The following CSMD1 variants were observed in gnomAD, a reference collection of about 807,000 sequenced individuals.
The protein encoded by CSMD1 is CUB and sushi domain-containing protein 1.
A neutral mutation model predicts 417.5 loss-of-function variants in CSMD1; 213 were observed. That is an observed-to-expected ratio of 0.51 (90% CI 0.46 to 0.57). CSMD1 has a LOEUF of 0.57. Among genes scored for constraint, CSMD1 ranks in the 20% least tolerant of loss-of-function variants. The pLI is 0.00. For synonymous variants in CSMD1, 2,862 were observed against 1,736.8 expected, an observed-to-expected ratio of 1.65 and a Z score of -16.11; for missense variants, 6,923 against 4,529.7, an observed-to-expected ratio of 1.53 and a Z score of -15.17.
At chr8:3,854,753 G>GA (rs11392855) in intron 5 of CSMD1, among the ~76,000 whole-genome samples, 56,858 of 146,090 alleles carry the variant, frequency 0.39, 11,582 homozygotes, top group African/African-American at 0.54. Context: ...GGGTAAAAAA[G>GA]AAAAAAAAAA....
intron 3 of CSMD1, among the ~76,000 whole-genome samples, chr8:4,292,700 A>AT (rs1337647187): frequency 2.0e-5 from 3 of 152,110 alleles, no homozygotes; most frequent in African/African-American, 7.2e-5. Context: ...GATTCAGTTT[A>AT]TTTTTTCTAT....
intron 50 of CSMD1, among the ~76,000 whole-genome samples, chr8:3,039,574 T>C (rs1021356998): frequency 1.7e-4 from 26 of 151,846 alleles, no homozygotes; most frequent in Non-Finnish European, 1.5e-5. Context: ...TTCTTCCTCA[T>C]ACATTATGAC....
At chr8:4,299,870 C>A (rs1176393827) in intron 3 of CSMD1, among the ~76,000 whole-genome samples, 1 of 152,018 alleles carries the variant, frequency 6.6e-6, no homozygotes, top group Non-Finnish European at 1.5e-5. Flanking sequence ...ACTTCATGAT[C>A]TGCCCACCTC....
intron 23 of CSMD1, among the ~76,000 whole-genome samples, chr8:3,317,177 T>G (rs1268874112): frequency 6.6e-6 from 1 of 152,202 alleles, no homozygotes; most frequent in East Asian, 1.9e-4. Context: ...TGTCACATAA[T>G]GATTCTGATC....
intron 12 of CSMD1, among the ~76,000 whole-genome samples, chr8:3,419,214 G>A (rs748844723): frequency 1.3e-5 from 2 of 152,140 alleles, no homozygotes; most frequent in African/African-American, 2.4e-5. Context: ...CACCTAAGTG[G>A]TCATCCTCAC....
At chr8:4,109,065 G>A (rs1013529422) in intron 3 of CSMD1, among the ~76,000 whole-genome samples, 1 of 152,114 alleles carries the variant, frequency 6.6e-6, no homozygotes, top group African/African-American at 2.4e-5. Context: ...AAATGGCATA[G>A]TATTTGCATA....
intron 3 of CSMD1, among the ~76,000 whole-genome samples, chr8:4,236,276 G>C (rs778301825): frequency 6.6e-6 from 1 of 152,024 alleles, no homozygotes; most frequent in Non-Finnish European, 1.5e-5. Flanking sequence ...TTGGCACACT[G>C]ATCGGAATTC....
At chr8:3,428,117 A>G (rs1175074959) in intron 12 of CSMD1, among the ~76,000 whole-genome samples, 1 of 152,268 alleles carries the variant, frequency 6.6e-6, no homozygotes, top group Non-Finnish European at 1.5e-5. Context: ...GAAATTTGAA[A>G]TTAAATAGAT....
intron 12 of CSMD1, among the ~76,000 whole-genome samples, chr8:3,428,749 C>T (rs997211633): frequency 6.6e-6 from 1 of 152,174 alleles, no homozygotes; most frequent in African/African-American, 2.4e-5. Flanking sequence ...GAGATAGCTG[C>T]ACTCCCCTGT....
intron 5 of CSMD1, among the ~76,000 whole-genome samples, chr8:3,832,644 C>T (rs562670082): frequency 1.1e-4 from 17 of 152,188 alleles, no homozygotes; most frequent in Non-Finnish European, 1.8e-4. Flanking sequence ...ATTTCAAGTA[C>T]TTACAACGAA....
chr8:4,963,508 ACTTT>A (rs1809657024), intron 1 of CSMD1, among the ~76,000 whole-genome samples: 1 of 152,032 alleles, frequency 6.6e-6, no homozygotes, highest in South Asian at 2.1e-4. Flanking sequence ...CCCCTCATTC[ACTTT>A]CTACCTCCTA....
At chr8:3,398,090 A>G (rs1811811193) in intron 16 of CSMD1, among the ~76,000 whole-genome samples, 1 of 152,170 alleles carries the variant, frequency 6.6e-6, no homozygotes. Context: ...AAATCAAGCA[A>G]ATATCTTCCT....
At chr8:3,490,866 A>C (rs1002188480) in intron 11 of CSMD1, among the ~76,000 whole-genome samples, 2 of 148,600 alleles carry the variant, frequency 1.3e-5, no homozygotes, top group African/African-American at 5.0e-5. Flanking sequence ...TAAAAATAAA[A>C]AGAAAAAAAT....
At chr8:4,317,946 T>C (rs1181840335) in intron 3 of CSMD1, among the ~76,000 whole-genome samples, 1 of 152,178 alleles carries the variant, frequency 6.6e-6, no homozygotes, top group Non-Finnish European at 1.5e-5. Context: ...ATGTTGCCGT[T>C]CCGAATTTAA....
chr8:3,470,357 T>C (rs1033317640), intron 11 of CSMD1, among the ~76,000 whole-genome samples: 1 of 152,208 alleles, frequency 6.6e-6, no homozygotes, highest in Non-Finnish European at 1.5e-5. Flanking sequence ...AAATTTTTAT[T>C]AAGATAATTG....
In CSMD1 at chr8:3,586,220, C is replaced by A; in HGVS notation, c.1138G>T (p.Val380Leu). The A allele has an allele frequency of 1.2e-6, 2 of 1,610,768 alleles. No homozygotes were observed. The highest frequency in any genetic ancestry group is 1.7e-6 in the Non-Finnish European group (2 of 1,179,172). Residue 380 changes from valine (V) to leucine (L), a missense_variant, in exon 9 of 70, where the codon GTG (valine) becomes TTG (leucine). By Grantham distance (32) the Val-to-Leu change is conservative. Transcript: ENST00000635120. ...GTGATGCTTTTAGATCCCTGGAGCA[C>A]GTAATTGTCCTCACATGAAAACTGT... ...NVQFSCEDNY[V>L]LQGSKSITCQ...
At chr8:3,953,889 C>G (rs1042847565) in intron 5 of CSMD1, among the ~76,000 whole-genome samples, 2 of 152,180 alleles carry the variant, frequency 1.3e-5, no homozygotes, top group African/African-American at 2.4e-5. Flanking sequence ...TGTGCAGGCC[C>G]CAGGACTGTG....
chr8:4,699,016 A>C (rs557853275), intron 1 of CSMD1, among the ~76,000 whole-genome samples: 1 of 151,938 alleles, frequency 6.6e-6, no homozygotes, highest in East Asian at 1.9e-4. Flanking sequence ...TCCACTATCT[A>C]TGCCTTTCAT....
intron 3 of CSMD1, among the ~76,000 whole-genome samples, chr8:4,277,970 G>C (rs560830645): frequency 4.6e-5 from 7 of 152,112 alleles, no homozygotes; most frequent in East Asian, 1.9e-4. Flanking sequence ...GGCTGGTCTT[G>C]AACTCCTAAC....
Sources: allele counts gnomAD v4.1 joint callset (sites outside exome capture counted in the v4.1 genomes callset), GRCh38; gene constraint gnomAD v4.1.1; transcripts MANE v1.5; gene names NCBI Gene and HGNC (gene_info 2026-07-23, HGNC 2026-07-21).